The following SULT2B1 variants were observed in gnomAD, a reference collection of about 807,000 sequenced individuals.
SULT2B1 encodes sulfotransferase 2B1.
SULT2B1 carries 16 observed loss-of-function variants against 33.2 expected under a neutral mutation model. That is an observed-to-expected ratio of 0.48 (90% CI 0.33 to 0.73). SULT2B1 has a LOEUF of 0.73. Among genes scored for constraint, SULT2B1 ranks in the 30% least tolerant of loss-of-function variants. SULT2B1 has a pLI of 0.02. For missense variants in SULT2B1, 500 were observed against 506.0 expected (o/e 0.99, Z 0.11); for synonymous variants, 186 against 200.5 (o/e 0.93, Z 0.61).
At chr19:48,593,986 C>T (rs908908136) in intron 5 of SULT2B1, among the ~76,000 whole-genome samples, 6 of 151,578 alleles carry the variant, frequency 4.0e-5, no homozygotes, top group African/African-American at 9.7e-5. Flanking sequence ...TGGCTGGGCA[C>T]GGTGGCTCAC....
intron 1 of SULT2B1, among the ~76,000 whole-genome samples, chr19:48,560,479 C>T (rs563146802): frequency 3.9e-5 from 6 of 151,938 alleles, no homozygotes; most frequent in South Asian, 2.1e-4. Flanking sequence ...CATTTCTTCT[C>T]GGGGGGACTT....
intron 5 of SULT2B1, among the ~76,000 whole-genome samples, chr19:48,594,886 G>T (rs1257823919): frequency 9.1e-6 from 1 of 110,406 alleles, no homozygotes; most frequent in Non-Finnish European, 2.0e-5. Flanking sequence ...AGGCATGGTG[G>T]TGCATGCCTA....
At chr19:48,596,999 G>T (rs543822912) in intron 6 of SULT2B1, 80 bp downstream of exon 6, 16 of 1,399,646 alleles carry the variant, frequency 1.1e-5, no homozygotes, top group South Asian at 1.4e-5. Flanking sequence ...ACCTCTCTGG[G>T]CCTCAGTTTC....
At chr19:48,582,171 C>T (rs1353568450) in intron 2 of SULT2B1, among the ~76,000 whole-genome samples, 1 of 152,150 alleles carries the variant, frequency 6.6e-6, no homozygotes, top group Non-Finnish European at 1.5e-5. Flanking sequence ...TCCCAAAGTG[C>T]AGGGATTACA....
chr19:48,554,374 C>T (rs1973067145), intron 1 of SULT2B1, among the ~76,000 whole-genome samples: 1 of 150,476 alleles, frequency 6.6e-6, no homozygotes, highest in Non-Finnish European at 1.5e-5. Context: ...GGCTCAGATC[C>T]ACAGGGCTTC....
At chr19:48,594,134 G>A (rs1364070584) in intron 5 of SULT2B1, among the ~76,000 whole-genome samples, 4 of 151,778 alleles carry the variant, frequency 2.6e-5, no homozygotes, top group African/African-American at 7.3e-5. Context: ...GGTGGCGGGC[G>A]CCTGTAGCCC....
intron 1 of SULT2B1, among the ~76,000 whole-genome samples, chr19:48,567,155 G>T (rs1383614373): frequency 6.6e-6 from 1 of 151,984 alleles, no homozygotes; most frequent in Non-Finnish European, 1.5e-5. Flanking sequence ...GCCTCTCTTG[G>T]AACATCATTG....
chr19:48,559,545 A>G (rs1973147744), intron 1 of SULT2B1, among the ~76,000 whole-genome samples: 1 of 151,958 alleles, frequency 6.6e-6, no homozygotes, highest in Non-Finnish European at 1.5e-5. Flanking sequence ...TAATTTTTGT[A>G]TTTTTGATAA....
intron 1 of SULT2B1, among the ~76,000 whole-genome samples, chr19:48,564,551 C>CAAAAAAAAAAAAAAA (rs770217698): frequency 1.3e-3 from 77 of 57,618 alleles, no homozygotes; most frequent in African/African-American, 1.4e-3. Context: ...GACTCCGTCT[C>CAAAAAAAAAAAAAAA]AAAAAAAAAA....
intron 5 of SULT2B1, among the ~76,000 whole-genome samples, chr19:48,595,272 A>G (rs999942013): frequency 7.9e-5 from 6 of 75,750 alleles, no homozygotes; most frequent in African/African-American, 3.2e-4. Context: ...AAAAGAGCGA[A>G]ACTCCGTCTA....
chr19:48,594,072 A>G (rs904545439), intron 5 of SULT2B1, among the ~76,000 whole-genome samples: 1 of 151,684 alleles, frequency 6.6e-6, no homozygotes, highest in Non-Finnish European at 1.5e-5. Flanking sequence ...CAGCCTTGCC[A>G]ACATGGTGAA....
At chr19:48,567,010 A>G (rs1428774919) in intron 1 of SULT2B1, among the ~76,000 whole-genome samples, 1 of 151,976 alleles carries the variant, frequency 6.6e-6, no homozygotes, top group African/African-American at 2.4e-5. Flanking sequence ...TTTAAAAAAA[A>G]AGAGAGGGAG....
At position 48,560,657 on chromosome 19, in the gene SULT2B1, C is replaced by A. The variant is rs972068444; in HGVS notation, c.71+8334C>A. On this transcript the variant is annotated intron_variant, in intron 1 of 6. Coordinates refer to ENST00000201586, the MANE Select transcript of SULT2B1 (RefSeq NM_177973.2). ...CTGAAATATCATTTCCACATATAGT[C>A]AATTTCAAAAACTGTCAATGAGGCT... Among the ~76,000 whole-genome samples, 6 of 152,260 alleles carry A rather than the reference C, an allele frequency of 3.9e-5. No homozygotes were observed. In the East Asian group the frequency reaches 5.8e-4, roughly 15 times the overall value.
At chr19:48,555,992 G>A (rs1325196145) in intron 1 of SULT2B1, among the ~76,000 whole-genome samples, 4 of 151,986 alleles carry the variant, frequency 2.6e-5, no homozygotes, top group South Asian at 2.1e-4. Context: ...TGCCCACCTC[G>A]GCCTCCCAAA....
chr19:48,569,988 C>T (rs569086649), intron 1 of SULT2B1, among the ~76,000 whole-genome samples: 4 of 152,132 alleles, frequency 2.6e-5, no homozygotes, highest in South Asian at 2.1e-4. Context: ...CTGCAAAGTC[C>T]GTTTGGCCAT....
intron 5 of SULT2B1, among the ~76,000 whole-genome samples, chr19:48,593,416 G>C (rs1203647625): frequency 6.6e-6 from 1 of 151,792 alleles, no homozygotes; most frequent in African/African-American, 2.4e-5. Flanking sequence ...GCCGGGCACA[G>C]TGGCACATGC....
At chr19:48,594,450 A>G (rs1973684222) in intron 5 of SULT2B1, among the ~76,000 whole-genome samples, 1 of 152,056 alleles carries the variant, frequency 6.6e-6, no homozygotes. Context: ...CTTTCTTTTA[A>G]TGGAAAGCTC....
chr19:48,577,115 CCTCTGCCTCCTGGGTTCAAGCAATT>C (rs1200065002), intron 2 of SULT2B1, among the ~76,000 whole-genome samples: 8 of 140,858 alleles, frequency 5.7e-5, no homozygotes, highest in African/African-American at 1.1e-4. Context: ...CTCACTGTAA[CCTCTGCCTCCTGGGTTCAAGCAATT>C]CTCTGCCTCA....
In SULT2B1 at chr19:48,596,850, A is replaced by G. The variant is rs1430367051; in HGVS notation, c.757A>G (p.Thr253Ala). Residue 253 changes from threonine to alanine, a missense_variant, in exon 6 of 7, where the codon ACC becomes GCC. Transcript: ENST00000201586. ...AACCTTCAGCGCCATGAAGGCCAAC[A>G]CCATGTCCAACTACACGCTGCTGCC... ...HSTFSAMKAN[T>A]MSNYTLLPPS... The G allele has an allele frequency of 3.7e-6, 6 of 1,609,200 alleles. No homozygotes were observed. In the East Asian group the frequency reaches 8.9e-5, roughly 24 times the overall value.
Sources: allele counts gnomAD v4.1 joint callset (sites outside exome capture counted in the v4.1 genomes callset), GRCh38; gene constraint gnomAD v4.1.1; transcripts MANE v1.5; gene names NCBI Gene and HGNC (gene_info 2026-07-23, HGNC 2026-07-21).